DLG2: variants seen among roughly 807,000 people sequenced by gnomAD.
The protein encoded by DLG2 is discs large MAGUK scaffold protein 2.
DLG2 carries 45 observed loss-of-function variants against 132.5 expected under a neutral mutation model. That is an observed-to-expected ratio of 0.34 (90% CI 0.27 to 0.44). The LOEUF is 0.44. Among genes scored for constraint, DLG2 ranks in the 20% least tolerant of loss-of-function variants. The pLI is 1.00. For missense variants in DLG2, 1,045 were observed against 1,196.9 expected, an observed-to-expected ratio of 0.87 and a Z score of 1.87; for synonymous variants, 424 against 419.6, an observed-to-expected ratio of 1.01 and a Z score of -0.13.
At chr11:84,214,210 T>C (rs1187906604) in intron 8 of DLG2, among the ~76,000 whole-genome samples, 1 of 146,994 alleles carries the variant, frequency 6.8e-6, no homozygotes, top group Non-Finnish European at 1.5e-5. Context: ...TATATACATA[T>C]ATATATGAAT....
At chr11:85,092,204 A>G (rs2068900384) in intron 6 of DLG2, among the ~76,000 whole-genome samples, 1 of 151,990 alleles carries the variant, frequency 6.6e-6, no homozygotes, top group Non-Finnish European at 1.5e-5. Flanking sequence ...ATAAGCAGTA[A>G]TATTTTGAAA....
intron 3 of DLG2, among the ~76,000 whole-genome samples, chr11:85,542,760 C>T (rs1004886224): frequency 6.6e-6 from 1 of 152,148 alleles, no homozygotes; most frequent in Non-Finnish European, 1.5e-5. Flanking sequence ...AAAGTAAATA[C>T]TTGCAACACT....
chr11:83,517,650 T>A (rs1565596896), intron 21 of DLG2, among the ~76,000 whole-genome samples: 1 of 152,274 alleles, frequency 6.6e-6, no homozygotes, highest in African/African-American at 2.4e-5. Flanking sequence ...ATCTTTGTGG[T>A]TTTATCTACC....
At chr11:85,472,849 G>T (rs528549038) in intron 3 of DLG2, among the ~76,000 whole-genome samples, 6 of 152,338 alleles carry the variant, frequency 3.9e-5, no homozygotes, top group African/African-American at 1.2e-4. Flanking sequence ...TGAATGAGCT[G>T]TAACACAAAC....
At chr11:83,541,999 G>T in intron 19 of DLG2, 141 bp from the exon 20 acceptor site, 1 of 765,372 alleles carries the variant, frequency 1.3e-6, no homozygotes, top group Non-Finnish European at 1.9e-6. Flanking sequence ...CTGGATCACA[G>T]TCCACACTCT....
chr11:85,352,966 C>T (rs1031393836), intron 3 of DLG2, among the ~76,000 whole-genome samples: 2 of 152,120 alleles, frequency 1.3e-5, no homozygotes, highest in Non-Finnish European at 2.9e-5. Flanking sequence ...GCAATAGCAA[C>T]AAAAGCCAAA....
chr11:84,734,052 A>G (rs2063503882), intron 6 of DLG2, among the ~76,000 whole-genome samples: 1 of 152,168 alleles, frequency 6.6e-6, no homozygotes, highest in South Asian at 2.1e-4. Context: ...CTTGTAATAT[A>G]GTTTGAAGTC....
intron 4 of DLG2, among the ~76,000 whole-genome samples, chr11:85,204,632 G>A (rs2081731803): frequency 6.6e-6 from 1 of 151,854 alleles, no homozygotes; most frequent in Non-Finnish European, 1.5e-5. Flanking sequence ...CGAATTCAAT[G>A]CAATCCTTTT....
chr11:83,480,708 A>G, intron 22 of DLG2: 1 of 1,216,510 alleles, frequency 8.2e-7, no homozygotes, highest in Non-Finnish European at 1.2e-6. Flanking sequence ...ACTATGACCC[A>G]TTCATATACC....
chr11:85,244,648 T>G (rs935641857), intron 4 of DLG2, among the ~76,000 whole-genome samples: 1 of 151,882 alleles, frequency 6.6e-6, no homozygotes, highest in Non-Finnish European at 1.5e-5. Flanking sequence ...TACACTAAAA[T>G]GAAAAGTGTT....
intron 3 of DLG2, among the ~76,000 whole-genome samples, chr11:85,379,697 C>T (rs2085718396): frequency 6.6e-6 from 1 of 152,178 alleles, no homozygotes. Context: ...GGCTCTCCCA[C>T]AACACAAAAG....
intron 4 of DLG2, among the ~76,000 whole-genome samples, chr11:85,277,556 T>C (rs567046503): frequency 6.6e-6 from 1 of 152,270 alleles, no homozygotes; most frequent in Non-Finnish European, 1.5e-5. Context: ...AAGAAAAATC[T>C]TACTGTAAAC....
intron 21 of DLG2, among the ~76,000 whole-genome samples, chr11:83,488,509 T>G (rs2093658574): frequency 6.6e-6 from 1 of 152,000 alleles, no homozygotes; most frequent in Non-Finnish European, 1.5e-5. Context: ...AAATCTCATG[T>G]TTTTAAACAC....
chr11:85,163,767 C>T (rs1461767515), intron 4 of DLG2, among the ~76,000 whole-genome samples: 1 of 152,176 alleles, frequency 6.6e-6, no homozygotes, highest in Non-Finnish European at 1.5e-5. Flanking sequence ...TTCCACCTTA[C>T]TAACCACCCT....
intron 11 of DLG2, among the ~76,000 whole-genome samples, chr11:84,002,714 TC>T (rs936680311): frequency 9.9e-5 from 15 of 152,062 alleles, no homozygotes; most frequent in Admixed American, 2.6e-4. Flanking sequence ...CTCCTAGGCC[TC>T]CAGGTCTGTC....
intron 7 of DLG2, among the ~76,000 whole-genome samples, chr11:84,419,924 G>C (rs1243833765): frequency 2.0e-5 from 3 of 152,156 alleles, no homozygotes; most frequent in Admixed American, 6.5e-5. Context: ...TTAAATTGGA[G>C]ATAACCACAC....
intron 3 of DLG2, among the ~76,000 whole-genome samples, chr11:85,441,845 A>C (rs959655051): frequency 1.3e-5 from 2 of 152,118 alleles, no homozygotes; most frequent in Non-Finnish European, 2.9e-5. Flanking sequence ...GATAGTTTCA[A>C]GTAATGGCGA....
At position 84,714,601 on chromosome 11, in the gene DLG2, C is replaced by CTCTTTCTCTT. The variant is rs1565749855; in HGVS notation, c.358-179880_358-179871dup. Among the ~76,000 whole-genome samples, 23 of 95,552 alleles carry CTCTTTCTCTT rather than the reference C, an allele frequency of 2.4e-4. No individual in the cohort carries two copies. In the East Asian group the frequency reaches 4.5e-3, roughly 19 times the overall value. 62.7% of individuals were successfully genotyped at this position (95,552 alleles called of 152,430 possible). On this transcript the variant is annotated intron_variant, in intron 6 of 27. Transcript: ENST00000376104. ...TTTCTCTTTCTCTTTCTCTTTCTTTCTCTTTCTCTTTCTCTTTCTCTTTCT... is the reference window on the plus strand; with the variant it reads ...TTTCTCTTTCTCTTTCTCTTTCTTTCTCTTTCTCTTTCTTTCTCTTTCTCTTTCTCTTTCT...
chr11:84,982,366 T>G lies in DLG2; in HGVS notation c.357+129295A>C, dbSNP rs369492428. Among the ~76,000 whole-genome samples, 9 of 152,238 alleles carry G rather than the reference T, an allele frequency of 5.9e-5. No homozygotes were observed. The South Asian group carries it at 1.7e-3, about 28-fold the overall frequency. Reference sequence around the variant, plus strand: ...CAGAACCTGACATTCCTCTAAAGTCTCTTACAAAGCGGATGATATCTCTAT... The same window carrying G: ...CAGAACCTGACATTCCTCTAAAGTCGCTTACAAAGCGGATGATATCTCTAT... On this transcript the variant is annotated intron_variant, in intron 6 of 27. Transcript: ENST00000376104.
Sources: allele counts gnomAD v4.1 joint callset (sites outside exome capture counted in the v4.1 genomes callset), GRCh38; gene constraint gnomAD v4.1.1; transcripts MANE v1.5; gene names NCBI Gene and HGNC (gene_info 2026-07-23, HGNC 2026-07-21).